Variants in TTC28 observed in about 807,000 individuals in gnomAD.
The protein encoded by TTC28 is tetratricopeptide repeat protein 28.
In TTC28, 61 loss-of-function variants were observed where a neutral mutation model predicts 198.0. That is an observed-to-expected ratio of 0.31 (90% confidence interval 0.25 to 0.38). TTC28 has a LOEUF of 0.38. TTC28 is among the 10% of genes least tolerant of loss of function. The pLI, the probability that TTC28 is intolerant of heterozygous loss-of-function variation, is 1.00. For synonymous variants in TTC28, 1,171 were observed against 1,297.8 expected, an observed-to-expected ratio of 0.90 and a Z score of 2.10; for missense variants, 2,678 against 3,164.0, an observed-to-expected ratio of 0.85 and a Z score of 3.69.
At chr22:28,331,107 C>G (rs529051461) in intron 2 of TTC28, among the ~76,000 whole-genome samples, 115 of 152,112 alleles carry the variant, frequency 7.6e-4, no homozygotes, top group Non-Finnish European at 1.1e-3. Flanking sequence ...TAAACTACAA[C>G]CACCTTCACA....
chr22:28,172,898 G>T (rs1922819710), intron 5 of TTC28, among the ~76,000 whole-genome samples: 1 of 152,136 alleles, frequency 6.6e-6, no homozygotes, highest in African/African-American at 2.4e-5. Context: ...TTCTTTATTT[G>T]TAAAATGTTG....
At chr22:28,506,611 G>A (rs995162492) in intron 2 of TTC28, among the ~76,000 whole-genome samples, 4 of 152,118 alleles carry the variant, frequency 2.6e-5, no homozygotes, top group African/African-American at 9.7e-5. Context: ...CTGACTAGGT[G>A]AGACCTCCCA....
At chr22:28,169,791 G>A (rs924450023) in intron 5 of TTC28, among the ~76,000 whole-genome samples, 1 of 151,728 alleles carries the variant, frequency 6.6e-6, no homozygotes, top group East Asian at 1.9e-4. Context: ...TGCACATTGT[G>A]CACATGTACC....
intron 1 of TTC28, among the ~76,000 whole-genome samples, chr22:28,651,523 C>T (rs1375946453): frequency 6.6e-6 from 1 of 152,154 alleles, no homozygotes; most frequent in Non-Finnish European, 1.5e-5. Context: ...TCAGGCAATC[C>T]TCCTGCCTCA....
chr22:28,316,850 T>G (rs1007749835), intron 2 of TTC28, among the ~76,000 whole-genome samples: 3 of 152,208 alleles, frequency 2.0e-5, no homozygotes, highest in African/African-American at 7.2e-5. Context: ...CACTGCAGCT[T>G]TGAACCCCTG....
chr22:28,067,948 T>A (rs1226345847), intron 12 of TTC28, among the ~76,000 whole-genome samples: 2 of 152,198 alleles, frequency 1.3e-5, no homozygotes, highest in African/African-American at 4.8e-5. Flanking sequence ...ATGTAAAAGT[T>A]GAGTAGACCA....
chr22:28,231,036 T>G (rs951823799), intron 5 of TTC28, among the ~76,000 whole-genome samples: 1 of 152,190 alleles, frequency 6.6e-6, no homozygotes, highest in Non-Finnish European at 1.5e-5. Context: ...CCCCAAGTAC[T>G]TATTTAGGTA....
chr22:28,465,704 G>A (rs1350967637), intron 2 of TTC28, among the ~76,000 whole-genome samples: 1 of 152,066 alleles, frequency 6.6e-6, no homozygotes, highest in Non-Finnish European at 1.5e-5. Context: ...AGTAATAGTG[G>A]CTTAACATAA....
intron 12 of TTC28, among the ~76,000 whole-genome samples, chr22:28,090,117 T>C (rs1318301484): frequency 1.3e-5 from 2 of 148,612 alleles, no homozygotes; most frequent in African/African-American, 5.0e-5. Flanking sequence ...AGTATAATAA[T>C]AATAAAAAAA....
intron 12 of TTC28, among the ~76,000 whole-genome samples, chr22:28,039,394 A>G (rs1180014672): frequency 6.6e-6 from 1 of 152,112 alleles, no homozygotes; most frequent in African/African-American, 2.4e-5. Flanking sequence ...GCTGGAAACC[A>G]TCATTCTCAG....
chr22:28,481,825 C>T (rs2048250657), intron 2 of TTC28, among the ~76,000 whole-genome samples: 2 of 152,120 alleles, frequency 1.3e-5, no homozygotes, highest in East Asian at 1.9e-4. Context: ...TGCTGCAATG[C>T]TTCCACACCA....
chr22:28,126,450 G>C (rs1431219701), intron 6 of TTC28, among the ~76,000 whole-genome samples: 1 of 152,176 alleles, frequency 6.6e-6, no homozygotes, highest in African/African-American at 2.4e-5. Flanking sequence ...TAAATACAGA[G>C]TGACTCTAGT....
intron 2 of TTC28, among the ~76,000 whole-genome samples, chr22:28,435,577 T>A (rs967728738): frequency 2.6e-4 from 40 of 152,216 alleles, no homozygotes; most frequent in Non-Finnish European, 5.1e-4. Context: ...CAGCATGTCA[T>A]CACTGTGACT....
At chr22:28,109,974 T>G (rs1163459663) in intron 6 of TTC28, among the ~76,000 whole-genome samples, 1 of 152,256 alleles carries the variant, frequency 6.6e-6, no homozygotes, top group Non-Finnish European at 1.5e-5. Flanking sequence ...TGACACTCTT[T>G]ATTCATTCAT....
At chr22:28,150,372 G>A (rs1471656913) in intron 6 of TTC28, among the ~76,000 whole-genome samples, 1 of 152,096 alleles carries the variant, frequency 6.6e-6, no homozygotes, top group Non-Finnish European at 1.5e-5. Context: ...GGAGAACAAC[G>A]GAGGTGATCT....
intron 14 of TTC28, among the ~76,000 whole-genome samples, chr22:28,011,557 A>G (rs1022168763): frequency 1.3e-5 from 2 of 152,192 alleles, no homozygotes; most frequent in Admixed American, 1.3e-4. Context: ...GATCACTGCC[A>G]CTGCATTCAA....
chr22:28,087,314 T>C (rs1941644697), intron 12 of TTC28, among the ~76,000 whole-genome samples: 2 of 152,308 alleles, frequency 1.3e-5, no homozygotes, highest in African/African-American at 4.8e-5. Flanking sequence ...TTATCCACCA[T>C]GATCAAGTGG....
chr22:28,132,529 T>C (rs1185150214), intron 6 of TTC28, among the ~76,000 whole-genome samples: 1 of 152,068 alleles, frequency 6.6e-6, no homozygotes, highest in Non-Finnish European at 1.5e-5. Context: ...AAAGTAAGAG[T>C]TAGACTGAAT....
intron 2 of TTC28, among the ~76,000 whole-genome samples, chr22:28,375,204 G>A (rs988373550): frequency 4.6e-5 from 7 of 152,112 alleles, no homozygotes; most frequent in Admixed American, 6.5e-5. Context: ...TTAGATCTCC[G>A]AAATGAACTT....
Sources: allele counts gnomAD v4.1 joint callset (sites outside exome capture counted in the v4.1 genomes callset), GRCh38; gene constraint gnomAD v4.1.1; transcripts MANE v1.5; gene names NCBI Gene and HGNC (gene_info 2026-07-23, HGNC 2026-07-21).